RPRD1A: variants seen among roughly 807,000 people sequenced by gnomAD.
The protein encoded by RPRD1A is regulation of nuclear pre-mRNA domain containing 1A.
In RPRD1A, 9 loss-of-function variants were observed where a neutral mutation model predicts 37.8. That is an observed-to-expected ratio of 0.24 (90% CI 0.14 to 0.42). RPRD1A has a LOEUF of 0.42. Ranked by LOEUF, RPRD1A falls within the 10% of genes least tolerant of loss-of-function variation. The pLI is 1.00. For synonymous variants in RPRD1A, 138 were observed against 139.7 expected, an observed-to-expected ratio of 0.99 and a Z score of 0.08; for missense variants, 255 against 371.0, an observed-to-expected ratio of 0.69 and a Z score of 2.57.
At chr18:36,039,454 A>G (rs1470259930) in intron 1 of RPRD1A, among the ~76,000 whole-genome samples, 1 of 152,214 alleles carries the variant, frequency 6.6e-6, no homozygotes, top group African/African-American at 2.4e-5. Context: ...TAAAAGATCA[A>G]TTAACAAGCT....
At chr18:36,008,571 G>GTATACATATATATATATATA (rs1359543093) in intron 6 of RPRD1A, among the ~76,000 whole-genome samples, 3 of 27,934 alleles carry the variant, frequency 1.1e-4, no homozygotes, top group Non-Finnish European at 2.0e-4. Context: ...GCAAGACCTT[G>GTATACATATATATATATATA]TGTGTGTATA....
In RPRD1A at chr18:36,038,477, G is replaced by C. The variant is rs149388456; in HGVS notation, c.152-4640C>G. Among the ~76,000 whole-genome samples, 521 of 152,350 alleles carry C rather than the reference G, an allele frequency of 3.4e-3. 1 individual carries two copies. Among genetic ancestry groups the C allele is most frequent in the African/African-American group, 0.012 (508 of 41,578 alleles). On this transcript the variant is annotated intron_variant, in intron 1 of 6. Transcript: ENST00000399022. ...TTTGGGAACCTCCACCCAGATTTCA[G>C]AGGATATATGGAAACACCTGGATGT...
At chr18:36,051,458 C>G (rs1461684821) in intron 1 of RPRD1A, among the ~76,000 whole-genome samples, 2 of 152,094 alleles carry the variant, frequency 1.3e-5, no homozygotes, top group African/African-American at 2.4e-5. Flanking sequence ...ACTGGGGGTT[C>G]ATTATTTGGC....
intron 1 of RPRD1A, among the ~76,000 whole-genome samples, chr18:36,051,842 A>C (rs1490578758): frequency 2.0e-5 from 3 of 152,208 alleles, no homozygotes; most frequent in African/African-American, 7.2e-5. Context: ...ACACAGCCTA[A>C]GGGATCTGCC....
intron 6 of RPRD1A, among the ~76,000 whole-genome samples, chr18:36,001,018 G>A (rs552471254): frequency 6.6e-6 from 1 of 152,276 alleles, no homozygotes; most frequent in South Asian, 2.1e-4. Flanking sequence ...CTTGTATCAG[G>A]TAGTCTACTT....
intron 6 of RPRD1A, among the ~76,000 whole-genome samples, chr18:36,016,731 A>T (rs1428576377): frequency 6.6e-6 from 1 of 152,214 alleles, no homozygotes; most frequent in Non-Finnish European, 1.5e-5. Flanking sequence ...CTTCAATAGC[A>T]AGGAACTGGA....
intron 6 of RPRD1A, among the ~76,000 whole-genome samples, chr18:36,018,509 G>A (rs954790692): frequency 1.3e-5 from 2 of 152,012 alleles, no homozygotes; most frequent in Non-Finnish European, 1.5e-5. Flanking sequence ...TCCTGACCTC[G>A]TGATCCACCC....
At chr18:36,023,270 CAGG>C (rs1911133924) in intron 6 of RPRD1A, among the ~76,000 whole-genome samples, 1 of 152,166 alleles carries the variant, frequency 6.6e-6, no homozygotes, top group African/African-American at 2.4e-5. Context: ...TCAACATTAA[CAGG>C]AGTTTGGAAG....
rs1252354458 is a variant in RPRD1A, at chr18:35,991,210, A to G, written c.*1941T>C. ...ATAAATCACCACTTTAGCAGATCAT[A>G]AATAAGGTCAAGATATTGAAAATAA... On this transcript the variant is annotated 3_prime_UTR_variant, in exon 7 of 7. Coordinates refer to ENST00000399022, the MANE Select transcript of RPRD1A (RefSeq NM_018170.5). 6.6e-6 allele frequency: 1 copy of G among 152,248 alleles called. No individual in the cohort carries two copies. Among genetic ancestry groups the G allele is most frequent in the Admixed American group, 6.5e-5 (1 of 15,284 alleles). 9.4% of individuals were successfully genotyped at this position (152,248 alleles called of 1,614,324 possible).
At chr18:36,066,968 C>T (rs1192508254) in intron 1 of RPRD1A, among the ~76,000 whole-genome samples, 1 of 152,246 alleles carries the variant, frequency 6.6e-6, no homozygotes, top group Non-Finnish European at 1.5e-5. Flanking sequence ...TACCTGACCA[C>T]CTGAATTTCT....
intron 6 of RPRD1A, among the ~76,000 whole-genome samples, chr18:35,995,391 G>A (rs1302205704): frequency 6.6e-6 from 1 of 150,914 alleles, no homozygotes; most frequent in African/African-American, 2.4e-5. Context: ...GGCCTCCTGA[G>A]TTTAGCTGGG....
intron 6 of RPRD1A, among the ~76,000 whole-genome samples, chr18:36,011,315 C>T (rs1057374720): frequency 1.3e-5 from 2 of 152,182 alleles, no homozygotes; most frequent in African/African-American, 4.8e-5. Context: ...GCTCCAGAGT[C>T]CCCACTCTTC....
At chr18:36,027,569 A>T (rs935397307) in intron 4 of RPRD1A, 5 of 323,234 alleles carry the variant, frequency 1.5e-5, no homozygotes, top group Non-Finnish European at 2.3e-5. Context: ...GAGTAATAAT[A>T]ATTATTTGAG....
intron 6 of RPRD1A, among the ~76,000 whole-genome samples, chr18:36,022,351 A>T (rs115509724): frequency 0.012 from 1,782 of 152,354 alleles, 43 homozygotes; most frequent in African/African-American, 0.04. Context: ...TGGCTACACT[A>T]AACAACAGAT....
chr18:36,036,096 T>A (rs1331640763), intron 1 of RPRD1A, among the ~76,000 whole-genome samples: 1 of 151,760 alleles, frequency 6.6e-6, no homozygotes, highest in Non-Finnish European at 1.5e-5. Context: ...ACAAAAAAAA[T>A]GTTTTTGTTT....
At position 36,026,961 on chromosome 18, in the gene RPRD1A, A is replaced by T; in HGVS notation, c.728T>A (p.Met243Lys). 6.2e-7 allele frequency: 1 copy of T among 1,614,048 alleles called. No homozygotes were observed. Among genetic ancestry groups the T allele is most frequent in the Non-Finnish European group, 8.5e-7 (1 of 1,179,906 alleles). ...EIDDRKQLTR[M>K]LADFLRCQKE... ...TTGACAACGAAGAAAATCTGCTAAC[A>T]TTCGAGTGAGTTGCTTTCTATCATC... The change falls in exon 6 of 7, where the codon ATG becomes AAG. Residue 243 changes from methionine to lysine, a missense_variant. Transcript: ENST00000399022.
At chr18:36,023,086 A>G (rs1282466154) in intron 6 of RPRD1A, among the ~76,000 whole-genome samples, 2 of 152,256 alleles carry the variant, frequency 1.3e-5, no homozygotes, top group African/African-American at 2.4e-5. Flanking sequence ...TAGATAAAAG[A>G]GCAATTTTGA....
chr18:36,028,579 C>T (rs1200438167), intron 4 of RPRD1A, among the ~76,000 whole-genome samples: 1 of 152,272 alleles, frequency 6.6e-6, no homozygotes, highest in East Asian at 1.9e-4. Flanking sequence ...CTGATCTCAT[C>T]ACACCTTCAC....
At chr18:36,017,771 G>C (rs555570883) in intron 6 of RPRD1A, among the ~76,000 whole-genome samples, 1 of 152,282 alleles carries the variant, frequency 6.6e-6, no homozygotes, top group African/African-American at 2.4e-5. Flanking sequence ...AAGGGCAATA[G>C]AGTGTAAATT....
Sources: allele counts gnomAD v4.1 joint callset (sites outside exome capture counted in the v4.1 genomes callset), GRCh38; gene constraint gnomAD v4.1.1; transcripts MANE v1.5; gene names NCBI Gene and HGNC (gene_info 2026-07-23, HGNC 2026-07-21).